The following CTNNA2 variants were observed in gnomAD, a reference collection of about 807,000 sequenced individuals.
CTNNA2 encodes catenin alpha-2.
In CTNNA2, 42 loss-of-function variants were observed where a neutral mutation model predicts 101.0. The ratio of observed to expected loss-of-function variants is 0.42; its 90% CI spans 0.32 to 0.54. The LOEUF (loss-of-function observed/expected upper bound fraction) is 0.54. Among genes scored for constraint, CTNNA2 ranks in the 20% least tolerant of loss-of-function variants. The pLI, the probability that CTNNA2 is intolerant of heterozygous loss-of-function variation, is 0.14. For missense variants in CTNNA2, 871 were observed against 1,223.1 expected (o/e 0.71, Z 4.29); for synonymous variants, 450 against 456.4 (o/e 0.99, Z 0.18).
intron 7 of CTNNA2, among the ~76,000 whole-genome samples, chr2:80,321,128 G>A (rs1028479673): frequency 2.0e-5 from 3 of 152,246 alleles, no homozygotes; most frequent in African/African-American, 7.2e-5. Context: ...ATGCCCACCT[G>A]TAAAAATGAC....
chr2:79,558,420 T>TATATGCATTAGTTTA (rs1404971979), intron 1 of CTNNA2, among the ~76,000 whole-genome samples: 1 of 151,956 alleles, frequency 6.6e-6, no homozygotes, highest in Non-Finnish European at 1.5e-5. Flanking sequence ...TCTATCTGTT[T>TATATGCATTAGTTTA]ATATGCATTA....
At chr2:80,250,182 GGAGA>G (rs67176913) in intron 7 of CTNNA2, among the ~76,000 whole-genome samples, 6,354 of 142,036 alleles carry the variant, frequency 0.045, 185 homozygotes, top group Non-Finnish European at 0.068. Flanking sequence ...ATGGATGGGG[GGAGA>G]GAGAGAGAGA....
chr2:79,335,353 T>A (rs1676971338), intron 3 of CTNNA2, among the ~76,000 whole-genome samples: 1 of 152,156 alleles, frequency 6.6e-6, no homozygotes. Context: ...ACAATGCTTT[T>A]CCAAAGACTC....
chr2:79,662,451 T>C (rs1473381445), intron 2 of CTNNA2, among the ~76,000 whole-genome samples: 25 of 152,190 alleles, frequency 1.6e-4, no homozygotes, highest in Non-Finnish European at 1.2e-4. Context: ...TGAAATCTTA[T>C]GCATGCTAAT....
chr2:80,619,022 C>CTTTTTTTTTTTTTTT (rs56987036), intron 17 of CTNNA2, 63 bp from the exon 18 acceptor site: 1 of 839,812 alleles, frequency 1.2e-6, no homozygotes, highest in Non-Finnish European at 1.6e-6. Flanking sequence ...AAGTAGGGTA[C>CTTTTTTTTTTTTTTT]TTTTTTTTTT....
intron 7 of CTNNA2, among the ~76,000 whole-genome samples, chr2:80,115,743 C>T (rs897488265): frequency 1.3e-5 from 2 of 151,742 alleles, no homozygotes; most frequent in Non-Finnish European, 2.9e-5. Flanking sequence ...AGCACAGCCA[C>T]GTGGAAGGGC....
In CTNNA2 at chr2:80,001,295, CA is replaced by C. The variant is rs1456567912; in HGVS notation, c.1056+91501del. On this transcript the variant is annotated intron_variant, in intron 7 of 18. Coordinates refer to ENST00000402739, the MANE Select transcript of CTNNA2 (RefSeq NM_001282597.3). ...TGAAATATTTCTCTAGGGTTATGGC[CA>C]AACTCAGAATTGTTTTTCTGTCTTC... Among the ~76,000 whole-genome samples, 3 of 152,192 alleles carry C rather than the reference CA, an allele frequency of 2.0e-5. No homozygotes were observed. In the South Asian group the frequency reaches 6.2e-4, roughly 32 times the overall value.
At chr2:79,432,265 T>G (rs1376893227) in intron 4 of CTNNA2, among the ~76,000 whole-genome samples, 1 of 152,088 alleles carries the variant, frequency 6.6e-6, no homozygotes, top group Non-Finnish European at 1.5e-5. Flanking sequence ...GTATGTATGG[T>G]TATCATGATC....
At chr2:79,280,645 G>GTGTGTT (rs1675341500) in intron 2 of CTNNA2, among the ~76,000 whole-genome samples, 1 of 141,984 alleles carries the variant, frequency 7.0e-6, no homozygotes, top group Non-Finnish European at 1.5e-5. Context: ...GTGTGTGTGT[G>GTGTGTT]TGTGTGTGTG....
At chr2:79,211,771 A>G (rs1309358835) in intron 2 of CTNNA2, among the ~76,000 whole-genome samples, 1 of 152,168 alleles carries the variant, frequency 6.6e-6, no homozygotes, top group East Asian at 1.9e-4. Flanking sequence ...CTGTCTTCTT[A>G]TATTAATAAG....
intron 7 of CTNNA2, among the ~76,000 whole-genome samples, chr2:80,255,186 A>C (rs1305577532): frequency 6.6e-6 from 1 of 152,176 alleles, no homozygotes; most frequent in Middle Eastern, 3.2e-3. Context: ...GGTTAGCAGA[A>C]ATTTTAGATA....
chr2:79,940,011 G>A (rs1225035518), intron 7 of CTNNA2, among the ~76,000 whole-genome samples: 2 of 152,174 alleles, frequency 1.3e-5, no homozygotes, highest in Non-Finnish European at 2.9e-5. Context: ...AGAATTGCTT[G>A]AACCTGGGAG....
At chr2:79,740,179 T>G (rs1573841285) in intron 2 of CTNNA2, among the ~76,000 whole-genome samples, 1 of 152,172 alleles carries the variant, frequency 6.6e-6, no homozygotes, top group East Asian at 1.9e-4. Flanking sequence ...CTCTACCCTC[T>G]GATAGGCCCC....
chr2:79,756,389 G>A (rs567082627), intron 3 of CTNNA2, among the ~76,000 whole-genome samples: 17 of 152,126 alleles, frequency 1.1e-4, no homozygotes, highest in Non-Finnish European at 1.9e-4. Flanking sequence ...CTATGCACAG[G>A]CACTATTTTG....
At chr2:79,666,188 A>T (rs1326178970) in intron 2 of CTNNA2, among the ~76,000 whole-genome samples, 1 of 152,190 alleles carries the variant, frequency 6.6e-6, no homozygotes, top group African/African-American at 2.4e-5. Flanking sequence ...TTTTCTTCAT[A>T]TGGGCTTCTT....
At chr2:79,853,311 T>G (rs1048885654) in intron 3 of CTNNA2, among the ~76,000 whole-genome samples, 13 of 152,032 alleles carry the variant, frequency 8.6e-5, no homozygotes, top group Admixed American at 5.2e-4. Flanking sequence ...AATTTGATTT[T>G]TAAATTTTTT....
At chr2:79,485,415 T>C (rs192437487) in intron 4 of CTNNA2, among the ~76,000 whole-genome samples, 1 of 152,322 alleles carries the variant, frequency 6.6e-6, no homozygotes, top group African/African-American at 2.4e-5. Context: ...AGTAAATTAA[T>C]GTACAATGTG....
At chr2:80,098,315 A>G (rs1700299378) in intron 7 of CTNNA2, among the ~76,000 whole-genome samples, 1 of 152,332 alleles carries the variant, frequency 6.6e-6, no homozygotes, top group South Asian at 2.1e-4. Context: ...TGGCTGCAGA[A>G]CAGCGGATAT....
At chr2:79,253,314 G>A (rs932578722) in intron 2 of CTNNA2, among the ~76,000 whole-genome samples, 1 of 152,120 alleles carries the variant, frequency 6.6e-6, no homozygotes, top group Non-Finnish European at 1.5e-5. Flanking sequence ...AATGAGCTCT[G>A]AATACATTGA....
Sources: allele counts gnomAD v4.1 joint callset (sites outside exome capture counted in the v4.1 genomes callset), GRCh38; gene constraint gnomAD v4.1.1; transcripts MANE v1.5; gene names NCBI Gene and HGNC (gene_info 2026-07-23, HGNC 2026-07-21).